MFGE8: variants seen among roughly 807,000 people sequenced by gnomAD.
MFGE8 encodes lactadherin.
In MFGE8, 34 loss-of-function variants were observed where a neutral mutation model predicts 42.6. The observed-to-expected ratio is 0.80, with a 90% CI of 0.61 to 1.06. The LOEUF (loss-of-function observed/expected upper bound fraction) is 1.06, where lower values mean the gene tolerates loss of function less well. Ranked by LOEUF, MFGE8 falls within the 50% of genes least tolerant of loss-of-function variation. The probability of loss-of-function intolerance (pLI) is 0.00; values close to 1 mark genes in which losing one functional copy is unlikely to be tolerated. For synonymous variants in MFGE8, 230 were observed against 214.8 expected (o/e 1.07, Z -0.62); for missense variants, 510 against 516.9 (o/e 0.99, Z 0.13).
At position 88,899,623 on chromosome 15, in the gene MFGE8, T is replaced by A. The variant is rs777398372; in HGVS notation, c.1026+33A>T. 5 of 1,614,124 alleles carry A rather than the reference T, an allele frequency of 3.1e-6. No homozygotes were observed. The Admixed American group carries it at 8.3e-5, about 27-fold the overall frequency. Reference sequence around the variant, plus strand: ...GACTCCCAGGGAAGTAATGAAGGAATGGCAAAGGGTGGGCAGCTGGACAGA... The same window carrying A: ...GACTCCCAGGGAAGTAATGAAGGAAAGGCAAAGGGTGGGCAGCTGGACAGA... On this transcript the variant is annotated intron_variant, in intron 7 of 7. Transcript: ENST00000268150. The surrounding 1 kb of genome is among the most constrained non-coding windows in gnomAD (Gnocchi z 6.8).
In MFGE8 at chr15:88,902,144, T is replaced by TTTTTTAATGATA; in HGVS notation, c.686-410_686-409insTATCATTAAAAA. ...GACTCACAGCACTGCCCCCATCGCC[T>TTTTTTAATGATA]CGGCCTCCCATCCGTCCCATGGCAC... On this transcript the variant is annotated intron_variant, in intron 5 of 7. Coordinates refer to ENST00000268150, the MANE Select transcript of MFGE8 (RefSeq NM_005928.4). The surrounding 1 kb of genome is among the most constrained non-coding windows in gnomAD (Gnocchi z 4.3). 8.2e-6 allele frequency: 2 copies of TTTTTTAATGATA among 243,626 alleles called. No homozygotes were observed. The highest frequency in any genetic ancestry group is 1.6e-5 in the Non-Finnish European group (2 of 121,328). 15.1% of individuals were successfully genotyped at this position (243,626 alleles called of 1,614,324 possible). A position where few individuals can be genotyped will look rare whatever the true frequency, so the allele number is the denominator to read the frequency against.
intron 3 of MFGE8, 121 bp downstream of exon 3, chr15:88,907,074 G>A: frequency 7.8e-7 from 1 of 1,278,936 alleles, no homozygotes; most frequent in Non-Finnish European, 1.1e-6. Flanking sequence ...TCATCCATGG[G>A]AACCTGTTAC....
Position 88,906,658 on chromosome 15 carries a change from C to T in MFGE8, c.508G>A (p.Asp170Asn), listed in dbSNP as rs780674687. The T allele has an allele frequency of 2.4e-5, 38 of 1,614,034 alleles. No individual in the cohort carries two copies. The highest frequency in any genetic ancestry group is 1.2e-4 in the South Asian group (11 of 91,054). Residue 170 changes from aspartate to asparagine, a missense_variant, in exon 4 of 8, where the codon GAT becomes AAT. Asp to Asn is a conservative substitution (Grantham distance 23). Transcript: ENST00000268150. The surrounding 1 kb of genome is among the most constrained non-coding windows in gnomAD (Gnocchi z 4.2). ...TTTTTATTAACATCATGGATGAAAT[C>T]GAATTCGTGTCCATTAAGGCTGTAG... ...VAYSLNGHEF[D>N]FIHDVNKKHK...
Position 88,905,811 on chromosome 15 carries a change from T to A in MFGE8, c.631A>T (p.Ser211Cys), listed in dbSNP as rs761041075. ...CGCAGAGTGCAGGCCGTGTGGCAGC[T>A]CGTGGGGTACAATCTCACGTACTGA... ...EAQYVRLYPT[S>C]CHTACTLRFE... Residue 211 changes from serine to cysteine, a missense_variant, in exon 5 of 8, where the codon AGC becomes TGC. Transcript: ENST00000268150. The surrounding 1 kb of genome is among the most constrained non-coding windows in gnomAD (Gnocchi z 6.6). 1.2e-6 allele frequency: 2 copies of A among 1,614,196 alleles called. No homozygotes were observed. Among genetic ancestry groups the A allele is most frequent in the South Asian group, 2.2e-5 (2 of 91,082 alleles).
chr15:88,907,323 C>T lies in MFGE8; in HGVS notation c.259G>A (p.Ala87Thr), dbSNP rs746800445. The T allele has an allele frequency of 1.2e-6, 2 of 1,614,064 alleles. No individual in the cohort carries two copies. Among genetic ancestry groups the T allele is most frequent in the African/African-American group, 1.3e-5 (1 of 74,930 alleles). ...ENGNIANSQI[A>T]ASSVRVTFLG... ...AAGGTCACACGCACAGACGAGGCGG[C>T]GATCTGTGAGTTGGCAATGTTCCCA... Residue 87 changes from alanine (A) to threonine (T), a missense_variant, in exon 3 of 8, where the codon GCC becomes ACC. Physicochemically the swap from Ala to Thr is moderately conservative, Grantham distance 58 (BLOSUM62 0). Coordinates refer to ENST00000268150, the MANE Select transcript of MFGE8 (RefSeq NM_005928.4).
rs1360020545 is a variant in MFGE8 at position 88,911,588 on chromosome 15, G to A, written c.73+1659C>T. 5.3e-5 allele frequency among the ~76,000 whole-genome samples: 8 copies of A among 152,198 alleles called. No homozygotes were observed. The East Asian group carries it at 9.7e-4, about 18-fold the overall frequency. On this transcript the variant is annotated intron_variant, in intron 1 of 7. Transcript: ENST00000268150. ...ATACAAAAAATTAGCCGGGCCGGGCGTGGTGGCAGGTGCCTGTAGTCCCAG... is the reference window on the plus strand; with the variant it reads ...ATACAAAAAATTAGCCGGGCCGGGCATGGTGGCAGGTGCCTGTAGTCCCAG...
chr15:88,911,684 G>A (rs144316268), intron 1 of MFGE8, among the ~76,000 whole-genome samples: 6,339 of 151,454 alleles, frequency 0.042, 390 homozygotes, highest in African/African-American at 0.14. Flanking sequence ...CCAAGACCGC[G>A]CCACTGCACT....
chr15:88,905,549 C>G lies in MFGE8; in HGVS notation c.685+208G>C, dbSNP rs1467508707. 2 of 714,946 alleles carry G rather than the reference C, an allele frequency of 2.8e-6. No homozygotes were observed. The highest frequency in any genetic ancestry group is 3.5e-5 in the African/African-American group (2 of 57,500). 44.3% of individuals were successfully genotyped at this position (714,946 alleles called of 1,614,324 possible). ...CTTTTTCTCTATCAATCAGAATGCC[C>G]TGGGTCATGGGTTGGCAGACAGCAA... is the stretch of plus-strand genomic sequence containing the variant. On this transcript the variant is annotated intron_variant, in intron 5 of 7. Transcript: ENST00000268150. This position sits in a 1 kb window ranked among gnomAD's most constrained non-coding sequence, Gnocchi z 6.6.
rs1459728309 is a variant in MFGE8 at position 88,905,542 on chromosome 15, G to C, written c.685+215C>G. ...CTGATGTCTTTTTCTCTATCAATCA[G>C]AATGCCCTGGGTCATGGGTTGGCAG... On this transcript the variant is annotated intron_variant, in intron 5 of 7. Coordinates refer to ENST00000268150, the MANE Select transcript of MFGE8 (RefSeq NM_005928.4). The surrounding 1 kb of genome is among the most constrained non-coding windows in gnomAD (Gnocchi z 6.6). The C allele has an allele frequency of 2.8e-6, 2 of 707,634 alleles. No individual in the cohort carries two copies. Among genetic ancestry groups the C allele is most frequent in the Non-Finnish European group, 5.1e-6 (2 of 391,650 alleles). The allele number at this position is 707,634 out of a possible 1,614,324, so 43.8% of individuals were successfully genotyped here.
intron 6 of MFGE8, 124 bp downstream of exon 6, chr15:88,901,427 A>G: frequency 1.1e-6 from 1 of 928,988 alleles, no homozygotes; most frequent in Non-Finnish European, 1.6e-6. Context: ...GAAGAAAAAC[A>G]AGGCTTTTCC....
chr15:88,899,772 T>C lies in MFGE8; in HGVS notation c.910A>G (p.Thr304Ala), dbSNP rs1361928929. The change falls in exon 7 of 8, where the codon ACC becomes GCC. Residue 304 changes from threonine (T) to alanine (A), a missense_variant. Thr to Ala is a moderately conservative substitution (Grantham distance 58). Coordinates refer to ENST00000268150, the MANE Select transcript of MFGE8 (RefSeq NM_005928.4). This position sits in a 1 kb window ranked among gnomAD's most constrained non-coding sequence, Gnocchi z 6.8. ...GSSKEVTGII[T>A]QGARNFGSVQ... ...GAGCCAAAGTTACGGGCCCCCTGGG[T>C]GATGATGCCTGTCACCTCCTTCGAG... 1.2e-6 allele frequency: 2 copies of C among 1,613,928 alleles called. No individual in the cohort carries two copies. Among genetic ancestry groups the C allele is most frequent in the Middle Eastern group, 1.7e-4 (1 of 6,058 alleles).
chr15:88,906,887 G>A lies in MFGE8; in HGVS notation c.388-109C>T, dbSNP rs1898707468. ...CCCACTGGGTGGGGGAACAACTCAAGCAAAACAGAGGAGGGGTAGCTGAGC... is the reference window on the plus strand; with the variant it reads ...CCCACTGGGTGGGGGAACAACTCAAACAAAACAGAGGAGGGGTAGCTGAGC... On this transcript the variant is annotated intron_variant, in intron 3 of 7. Transcript: ENST00000268150. The surrounding 1 kb of genome is among the most constrained non-coding windows in gnomAD (Gnocchi z 4.2). 1 of 1,371,682 alleles carries A rather than the reference G, an allele frequency of 7.3e-7. No individual in the cohort carries two copies. The highest frequency in any genetic ancestry group is 1.4e-5 in the African/African-American group (1 of 69,076). The allele number at this position is 1,371,682 out of a possible 1,614,324, so 85.0% of individuals were successfully genotyped here. A position where few individuals can be genotyped will look rare whatever the true frequency, so the allele number is the denominator to read the frequency against.
rs755301796 is a variant in MFGE8, at chr15:88,899,344, G to C, written c.*51C>G. ...TGATTTAAAGGGGCTGAGAAGCCAA[G>C]AGGCAGCGGGCCCATGGAAAGCAGG... On this transcript the variant is annotated 3_prime_UTR_variant, in exon 8 of 8. Transcript: ENST00000268150. This position sits in a 1 kb window ranked among gnomAD's most constrained non-coding sequence, Gnocchi z 6.8. The C allele has an allele frequency of 1.2e-6, 2 of 1,611,002 alleles. No homozygotes were observed. Among genetic ancestry groups the C allele is most frequent in the Admixed American group, 3.3e-5 (2 of 59,978 alleles).
At position 88,902,533 on chromosome 15, in the gene MFGE8, CT is replaced by C. The variant is rs1432189220; in HGVS notation, c.686-799del. ...TCTATTTCCATTCCCCAGAAGCCCC[CT>C]GACTTAGTGTCTCCCAGAGGGCCTT... On this transcript the variant is annotated intron_variant, in intron 5 of 7. Coordinates refer to ENST00000268150, the MANE Select transcript of MFGE8 (RefSeq NM_005928.4). This position sits in a 1 kb window ranked among gnomAD's most constrained non-coding sequence, Gnocchi z 4.3. 2.6e-5 allele frequency: 4 copies of C among 152,402 alleles called. No individual in the cohort carries two copies. Among genetic ancestry groups the C allele is most frequent in the East Asian group, 1.9e-4 (1 of 5,182 alleles). The allele number at this position is 152,402 out of a possible 1,614,324, so 9.4% of individuals were successfully genotyped here.
intron 5 of MFGE8, chr15:88,904,903 G>A (rs570976200): frequency 6.5e-6 from 1 of 153,794 alleles, no homozygotes; most frequent in East Asian, 1.9e-4. Context: ...TGCTTAGCGA[G>A]CCCTACAGTT....
At chr15:88,911,550 G>A (rs962571206) in intron 1 of MFGE8, among the ~76,000 whole-genome samples, 1 of 151,960 alleles carries the variant, frequency 6.6e-6, no homozygotes, top group Non-Finnish European at 1.5e-5. Context: ...GTGAAACCCC[G>A]TCTCTACTAA....
intron 6 of MFGE8, 39 bp downstream of exon 6, chr15:88,901,512 A>AACC: frequency 1.5e-6 from 1 of 667,136 alleles, no homozygotes; most frequent in Non-Finnish European, 2.7e-6. Flanking sequence ...ACCTCATCCC[A>AACC]CCCAACCCCA....
At chr15:88,908,810 A>G (rs539414430) in intron 2 of MFGE8, among the ~76,000 whole-genome samples, 1 of 152,278 alleles carries the variant, frequency 6.6e-6, no homozygotes, top group South Asian at 2.1e-4. Flanking sequence ...CACAGGCCCC[A>G]GGGCCACTTG....
chr15:88,899,225 G>A lies in MFGE8; in HGVS notation c.*170C>T, dbSNP rs908170656. 2.0e-5 allele frequency: 18 copies of A among 886,302 alleles called. No individual in the cohort carries two copies. Among genetic ancestry groups the A allele is most frequent in the Non-Finnish European group, 3.0e-5 (17 of 574,140 alleles). 54.9% of individuals were successfully genotyped at this position (886,302 alleles called of 1,614,324 possible). ...GCTTAGGGGCTGGGGCAGGGCCCGT[G>A]AGAGGTGGAGGGTGGGAAAGAGGGA... On this transcript the variant is annotated 3_prime_UTR_variant, in exon 8 of 8. Transcript: ENST00000268150. This position sits in a 1 kb window ranked among gnomAD's most constrained non-coding sequence, Gnocchi z 6.8.
Sources: allele counts gnomAD v4.1 joint callset (sites outside exome capture counted in the v4.1 genomes callset), GRCh38; gene constraint gnomAD v4.1.1; non-coding constraint Gnocchi (gnomAD v3.1); transcripts MANE v1.5; gene names NCBI Gene and HGNC (gene_info 2026-07-23, HGNC 2026-07-21).